Variants in ADARB2 observed in about 807,000 individuals in gnomAD.
The protein encoded by ADARB2 is inactive double-stranded RNA-specific editase B2.
In ADARB2, 25 loss-of-function variants were observed where a neutral mutation model predicts 62.2. That is an observed-to-expected ratio of 0.40 (90% CI 0.29 to 0.56). ADARB2 has a LOEUF of 0.56. Ranked by LOEUF, ADARB2 falls within the 20% of genes least tolerant of loss-of-function variation. The pLI, the probability that ADARB2 is intolerant of heterozygous loss-of-function variation, is 0.43. For synonymous variants in ADARB2, 572 were observed against 500.8 expected (o/e 1.14, Z -1.90); for missense variants, 1,071 against 1,077.4 (o/e 0.99, Z 0.08).
intron 1 of ADARB2, among the ~76,000 whole-genome samples, chr10:1,726,207 G>A (rs1217438472): frequency 2.6e-5 from 4 of 152,232 alleles, no homozygotes; most frequent in South Asian, 4.1e-4. Flanking sequence ...GCGGTTGGGT[G>A]TAGCCTCTAC....
intron 1 of ADARB2, among the ~76,000 whole-genome samples, chr10:1,547,282 G>A (rs1423505654): frequency 7.2e-6 from 1 of 139,128 alleles, no homozygotes; most frequent in Non-Finnish European, 1.6e-5. Context: ...TGGGGAGGGG[G>A]AGAGAGGCTG....
chr10:1,399,161 G>C (rs1354859063), intron 1 of ADARB2, among the ~76,000 whole-genome samples: 5 of 152,162 alleles, frequency 3.3e-5, no homozygotes, highest in Non-Finnish European at 7.4e-5. Context: ...CCCCCTGGCC[G>C]CCTACAGGGG....
intron 1 of ADARB2, among the ~76,000 whole-genome samples, chr10:1,670,525 G>C (rs756504190): frequency 2.6e-5 from 4 of 152,244 alleles, no homozygotes; most frequent in Non-Finnish European, 4.4e-5. Flanking sequence ...ACTGGGAGCA[G>C]TTGTCAGATG....
At chr10:1,325,849 C>T (rs574351777) in intron 3 of ADARB2, among the ~76,000 whole-genome samples, 1 of 152,302 alleles carries the variant, frequency 6.6e-6, no homozygotes, top group South Asian at 2.1e-4. Context: ...AATATCCGCA[C>T]CTGAGAACAA....
intron 1 of ADARB2, among the ~76,000 whole-genome samples, chr10:1,575,147 A>G (rs1250203911): frequency 1.0e-5 from 1 of 100,238 alleles, no homozygotes; most frequent in African/African-American, 4.0e-5. Flanking sequence ...CAATAGAAGT[A>G]AAACCTTAAT....
chr10:1,610,307 C>T (rs998424373), intron 1 of ADARB2, among the ~76,000 whole-genome samples: 1 of 152,164 alleles, frequency 6.6e-6, no homozygotes, highest in Non-Finnish European at 1.5e-5. Flanking sequence ...CTCAACGATA[C>T]GATATGTCCA....
chr10:1,332,201 T>C (rs1831934310), intron 3 of ADARB2, among the ~76,000 whole-genome samples: 1 of 152,164 alleles, frequency 6.6e-6, no homozygotes, highest in Non-Finnish European at 1.5e-5. Context: ...CCCAGGAATT[T>C]TAGAGTGGCC....
chr10:1,544,150 A>G (rs1291512815), intron 1 of ADARB2, among the ~76,000 whole-genome samples: 1 of 152,214 alleles, frequency 6.6e-6, no homozygotes, highest in East Asian at 1.9e-4. Context: ...CAGGACGGTC[A>G]TGAAACCCCA....
chr10:1,193,358 C>T (rs566124666), intron 8 of ADARB2, among the ~76,000 whole-genome samples: 1 of 152,296 alleles, frequency 6.6e-6, no homozygotes, highest in South Asian at 2.1e-4. Context: ...AGGAAAGAAT[C>T]TGCATTTTTC....
chr10:1,626,651 C>T (rs1833773272), intron 1 of ADARB2, among the ~76,000 whole-genome samples: 1 of 152,130 alleles, frequency 6.6e-6, no homozygotes, highest in Admixed American at 6.5e-5. Flanking sequence ...GGGCTGCCCC[C>T]ACACTCGACA....
chr10:1,723,400 G>A (rs954259228), intron 1 of ADARB2, among the ~76,000 whole-genome samples: 3 of 152,182 alleles, frequency 2.0e-5, no homozygotes, highest in Non-Finnish European at 4.4e-5. Context: ...AAGAACAGCC[G>A]GTGGGGCCGG....
intron 3 of ADARB2, among the ~76,000 whole-genome samples, chr10:1,310,424 T>A (rs998987650): frequency 2.0e-5 from 3 of 147,002 alleles, no homozygotes; most frequent in Non-Finnish European, 3.0e-5. Flanking sequence ...CATTCCTTCA[T>A]TGACTCTGAA....
rs79564243 is a variant in ADARB2 at position 1,308,468 on chromosome 10, C to T, written c.1078-37399G>A. The stretch of plus-strand genomic sequence containing the variant: ...TAAAGCTACTATAAACATCCATGTG[C>T]CTTTTTTCTGTGTGGACACAAATTT... On this transcript the variant is annotated intron_variant, in intron 3 of 9. Coordinates refer to ENST00000381312, the MANE Select transcript of ADARB2 (RefSeq NM_018702.4). Among the ~76,000 whole-genome samples, 1,501 of 152,264 alleles carry T rather than the reference C, an allele frequency of 9.9e-3. 13 individuals carry two copies. Among genetic ancestry groups the T allele is most frequent in the Non-Finnish European group, 0.016 (1,062 of 68,040 alleles).
chr10:1,550,215 C>G (rs1390684612), intron 1 of ADARB2, among the ~76,000 whole-genome samples: 1 of 152,196 alleles, frequency 6.6e-6, no homozygotes, highest in African/African-American at 2.4e-5. Context: ...AAACACACAA[C>G]TACATTTTGT....
At chr10:1,567,717 C>T (rs1832875897) in intron 1 of ADARB2, among the ~76,000 whole-genome samples, 1 of 152,200 alleles carries the variant, frequency 6.6e-6, no homozygotes. Flanking sequence ...TGGAGGCAGA[C>T]CTTCTTTTAT....
intron 8 of ADARB2, among the ~76,000 whole-genome samples, chr10:1,189,886 G>A (rs1173859363): frequency 1.5e-5 from 2 of 132,330 alleles, no homozygotes; most frequent in Admixed American, 7.4e-5. Context: ...CCCAGAACAC[G>A]TGGCGCTACC....
chr10:1,185,915 G>T (rs1836751467), intron 8 of ADARB2, among the ~76,000 whole-genome samples: 1 of 152,200 alleles, frequency 6.6e-6, no homozygotes, highest in South Asian at 2.1e-4. Context: ...GCAGCTGGGG[G>T]TGGTGCACTT....
chr10:1,697,087 TA>T (rs1388235051), intron 1 of ADARB2, among the ~76,000 whole-genome samples: 1 of 152,138 alleles, frequency 6.6e-6, no homozygotes, highest in Non-Finnish European at 1.5e-5. Context: ...ACCCCTGATC[TA>T]AAGGTTTTCA....
intron 1 of ADARB2, among the ~76,000 whole-genome samples, chr10:1,635,981 TAGGTAA>T (rs146804892): frequency 0.028 from 4,252 of 152,166 alleles, 219 homozygotes; most frequent in East Asian, 0.22. Context: ...CACGGCTGGA[TAGGTAA>T]ACCCAGCCGT....
Sources: allele counts gnomAD v4.1 joint callset (sites outside exome capture counted in the v4.1 genomes callset), GRCh38; gene constraint gnomAD v4.1.1; transcripts MANE v1.5; gene names NCBI Gene and HGNC (gene_info 2026-07-23, HGNC 2026-07-21).